Variants in ATRN observed in about 807,000 individuals in gnomAD.
ATRN encodes the protein attractin-2.
In ATRN, 54 loss-of-function variants were observed where a neutral mutation model predicts 178.7. That is an observed-to-expected ratio of 0.30 (90% CI 0.24 to 0.38). The LOEUF is 0.38. Among genes scored for constraint, ATRN ranks in the 10% least tolerant of loss-of-function variants. The pLI is 1.00. For missense variants in ATRN, 1,443 were observed against 1,815.1 expected (o/e 0.79, Z 3.73); for synonymous variants, 636 against 663.0 (o/e 0.96, Z 0.63).
chr20:3,615,899 G>A (rs937932717), intron 24 of ATRN: 3 of 444,046 alleles, frequency 6.8e-6, no homozygotes, highest in African/African-American at 2.0e-5. Context: ...GTTGTGGGGT[G>A]GGGGGAAGGG....
rs113752001 is a variant in ATRN at position 3,563,727 on chromosome 20, T to C, written c.1786+364T>C. ...TTTATCTCATTCCCTAGAAAACTGG[T>C]TTCTCACATGGTCTTGGTGTGGCAA... On this transcript the variant is annotated intron_variant, in intron 10 of 28. Coordinates refer to ENST00000262919, the MANE Select transcript of ATRN (RefSeq NM_139321.3). 6.0e-3 allele frequency among the ~76,000 whole-genome samples: 912 copies of C among 152,276 alleles called. 13 individuals are homozygous for C. Among genetic ancestry groups the C allele is most frequent in the African/African-American group, 0.02 (847 of 41,558 alleles).
At position 3,572,825 on chromosome 20, in the gene ATRN, G is replaced by A. The variant is rs144351024; in HGVS notation, c.1966G>A (p.Ala656Thr). 1.7e-4 allele frequency: 274 copies of A among 1,613,698 alleles called. No homozygotes were observed. The East Asian group carries it at 4.0e-3, about 23-fold the overall frequency. Reference protein sequence around the residue: ...EQCDAHRSEAACLAAGPGIRC... With the variant: ...EQCDAHRSEATCLAAGPGIRC... ...GTGTGATGCGCATCGGAGTGAAGCC[G>A]CTTGTTTAGCAGCAGGACCTGGTAT... The change falls in exon 12 of 29, where the codon GCT becomes ACT. Residue 656 changes from alanine to threonine, a missense_variant. Ala to Thr is a moderately conservative substitution (Grantham distance 58). Coordinates refer to ENST00000262919, the MANE Select transcript of ATRN (RefSeq NM_139321.3).
chr20:3,524,492 A>G (rs939542951), intron 1 of ATRN, among the ~76,000 whole-genome samples: 12 of 152,180 alleles, frequency 7.9e-5, no homozygotes, highest in Non-Finnish European at 1.5e-5. Flanking sequence ...CACTGTCAAT[A>G]TCAGACAGAT....
rs568374105 is a variant in ATRN at position 3,526,734 on chromosome 20, A to G, written c.411-8519A>G. Among the ~76,000 whole-genome samples the G allele has an allele frequency of 2.0e-4, 30 of 152,320 alleles. No homozygotes were observed. The East Asian group carries it at 4.2e-3, about 22-fold the overall frequency. On this transcript the variant is annotated intron_variant, in intron 1 of 28. Coordinates refer to ENST00000262919, the MANE Select transcript of ATRN (RefSeq NM_139321.3). ...AACAGCATGATACCAAAACAGATAT[A>G]TAGACCAATGGAACAGAACAGAGGC...
intron 1 of ATRN, chr20:3,489,615 T>C (rs1319291475): frequency 6.8e-7 from 1 of 1,461,416 alleles, no homozygotes; most frequent in African/African-American, 1.4e-5. Flanking sequence ...TCCTCCAGTG[T>C]CAGGCTGCCA....
chr20:3,511,269 C>T (rs551515095), intron 1 of ATRN, among the ~76,000 whole-genome samples: 8 of 151,984 alleles, frequency 5.3e-5, no homozygotes, highest in South Asian at 2.1e-4. Flanking sequence ...GGTACAGAAG[C>T]GAGGATTAAC....
At chr20:3,608,611 C>A (rs1292753097) in intron 24 of ATRN, among the ~76,000 whole-genome samples, 2 of 152,118 alleles carry the variant, frequency 1.3e-5, no homozygotes, top group Non-Finnish European at 2.9e-5. Context: ...GGTACTATAG[C>A]TTTGTAGCAT....
At chr20:3,504,044 A>G (rs569089893) in intron 1 of ATRN, among the ~76,000 whole-genome samples, 23 of 152,338 alleles carry the variant, frequency 1.5e-4, no homozygotes, top group South Asian at 6.2e-4. Context: ...GCCATCTGAA[A>G]TGTTACATTA....
intron 27 of ATRN, among the ~76,000 whole-genome samples, chr20:3,643,822 C>T (rs549674235): frequency 1.3e-5 from 2 of 152,300 alleles, no homozygotes; most frequent in South Asian, 4.1e-4. Context: ...ATTCCTGTGA[C>T]CTACAGTTAT....
intron 26 of ATRN, among the ~76,000 whole-genome samples, chr20:3,636,435 A>G (rs907001768): frequency 3.3e-5 from 5 of 152,234 alleles, no homozygotes; most frequent in African/African-American, 1.2e-4. Context: ...TTGAAACTCA[A>G]TATCCATTCC....
intron 24 of ATRN, among the ~76,000 whole-genome samples, chr20:3,614,158 C>T (rs962562064): frequency 1.3e-5 from 2 of 152,150 alleles, no homozygotes; most frequent in South Asian, 2.1e-4. Context: ...GTGTTGGGGC[C>T]GGTTGTGCCT....
rs143113044 is a variant in ATRN, at chr20:3,562,373, C to T, written c.1545C>T (p.Tyr515=). 9.4e-5 allele frequency: 151 copies of T among 1,614,094 alleles called. 2 individuals are homozygous for T. The Admixed American group carries it at 1.5e-3, about 16-fold the overall frequency. Residue 515 remains tyrosine, a synonymous_variant, in exon 9 of 29, where the codon TAC becomes TAT. Coordinates refer to ENST00000262919, the MANE Select transcript of ATRN (RefSeq NM_139321.3). The part of the protein sequence containing the change: ...SVYDHRTRAL[Y]VHGGYKAFSA... ...ACGACCATAGGACCAGGGCCCTATA[C>T]GTTCATGGTGGCTACAAGGCTTTCA...
In ATRN at chr20:3,532,147, A is replaced by G. The variant is rs187168612; in HGVS notation, c.411-3106A>G. Among the ~76,000 whole-genome samples, 66 of 152,242 alleles carry G rather than the reference A, an allele frequency of 4.3e-4. No homozygotes were observed. The East Asian group carries it at 0.01, about 24-fold the overall frequency. ...TTCTGTCTCAAAAACAAAAAACAAA[A>G]AACACAAATATTTGTTTTATAAAAC... On this transcript the variant is annotated intron_variant, in intron 1 of 28. Transcript: ENST00000262919.
chr20:3,493,107 T>C (rs992124290), intron 1 of ATRN, among the ~76,000 whole-genome samples: 4 of 122,190 alleles, frequency 3.3e-5, no homozygotes, highest in South Asian at 2.6e-4. Flanking sequence ...TATATACATA[T>C]GTAGGTACGT....
chr20:3,505,521 C>T (rs2085031080), intron 1 of ATRN, among the ~76,000 whole-genome samples: 1 of 152,192 alleles, frequency 6.6e-6, no homozygotes, highest in Non-Finnish European at 1.5e-5. Context: ...CCAATTTGTT[C>T]TGTTTTTCTG....
intron 12 of ATRN, among the ~76,000 whole-genome samples, 189 bp downstream of exon 12, chr20:3,573,140 T>C (rs1255747244): frequency 6.6e-6 from 1 of 152,212 alleles, no homozygotes; most frequent in Non-Finnish European, 1.5e-5. Flanking sequence ...GAACATGCCA[T>C]GTGGCTCCTA....
At chr20:3,491,901 A>C (rs2084799436) in intron 1 of ATRN, among the ~76,000 whole-genome samples, 1 of 152,196 alleles carries the variant, frequency 6.6e-6, no homozygotes, top group African/African-American at 2.4e-5. Context: ...TATGCAAATA[A>C]AAGGTATCAG....
chr20:3,484,249 TA>T (rs779224931), intron 1 of ATRN, among the ~76,000 whole-genome samples: 135 of 142,434 alleles, frequency 9.5e-4, no homozygotes, highest in Non-Finnish European at 1.2e-3. Flanking sequence ...ACCTTGTCTT[TA>T]AAAAAAAAAA....
chr20:3,597,310 T>C (rs1486296456), intron 21 of ATRN, among the ~76,000 whole-genome samples: 2 of 152,106 alleles, frequency 1.3e-5, no homozygotes, highest in East Asian at 3.9e-4. Context: ...TGAGGAACTC[T>C]TACAACTGAA....
Sources: allele counts gnomAD v4.1 joint callset (sites outside exome capture counted in the v4.1 genomes callset), GRCh38; gene constraint gnomAD v4.1.1; transcripts MANE v1.5; gene names NCBI Gene and HGNC (gene_info 2026-07-23, HGNC 2026-07-21).